The following GALNT13 variants were observed in gnomAD, a reference collection of about 807,000 sequenced individuals.
GALNT13 encodes polypeptide N-acetylgalactosaminyltransferase 13.
Under a neutral mutation model 64.2 loss-of-function variants are expected in GALNT13, and 28 were observed. The observed-to-expected ratio is 0.44, with a 90% CI of 0.32 to 0.60. The LOEUF (loss-of-function observed/expected upper bound fraction) is 0.60, where lower values mean the gene tolerates loss of function less well. Among genes scored for constraint, GALNT13 ranks in the 20% least tolerant of loss-of-function variants. The pLI, the probability that GALNT13 is intolerant of heterozygous loss-of-function variation, is 0.05. For missense variants in GALNT13, 577 were observed against 669.8 expected (o/e 0.86, Z 1.53); for synonymous variants, 214 against 224.6 (o/e 0.95, Z 0.42).
At chr2:154,144,158 G>A (rs1313120697) in intron 4 of GALNT13, among the ~76,000 whole-genome samples, 1 of 151,978 alleles carries the variant, frequency 6.6e-6, no homozygotes, top group Non-Finnish European at 1.5e-5. Flanking sequence ...TTATAAGTAA[G>A]AAAACAGTAA....
intron 9 of GALNT13, among the ~76,000 whole-genome samples, chr2:154,369,793 A>AT (rs1697577714): frequency 6.6e-6 from 1 of 152,200 alleles, no homozygotes; most frequent in African/African-American, 2.4e-5. Context: ...GAAGACCAAG[A>AT]TTAAGGTGTC....
chr2:154,278,407 G>C (rs980330258), intron 8 of GALNT13, among the ~76,000 whole-genome samples: 12 of 152,122 alleles, frequency 7.9e-5, no homozygotes, highest in African/African-American at 2.7e-4. Flanking sequence ...ATTCTATAAA[G>C]TTATGGAAAG....
At chr2:153,969,004 T>A (rs1693563670) in intron 3 of GALNT13, among the ~76,000 whole-genome samples, 1 of 152,112 alleles carries the variant, frequency 6.6e-6, no homozygotes, top group Non-Finnish European at 1.5e-5. Context: ...GTATATATTT[T>A]TATTTAGAGT....
intron 4 of GALNT13, among the ~76,000 whole-genome samples, chr2:154,210,017 A>G (rs1351838399): frequency 2.0e-5 from 3 of 152,136 alleles, no homozygotes; most frequent in Non-Finnish European, 2.9e-5. Context: ...ACCACCTCTC[A>G]GCCTCTGGAA....
intron 10 of GALNT13, among the ~76,000 whole-genome samples, chr2:154,400,875 T>C (rs1345666485): frequency 3.3e-5 from 5 of 151,930 alleles, no homozygotes; most frequent in Non-Finnish European, 5.9e-5. Context: ...TTGAAAGAAA[T>C]GGCATTCTAA....
chr2:153,438,198 G>T, the GALNT13 span, among the ~76,000 whole-genome samples: 1 of 152,166 alleles, frequency 6.6e-6, no homozygotes, highest in Non-Finnish European at 1.5e-5. Context: ...GAGATCAGCT[G>T]TTAGTCTGAT....
chr2:154,092,463 A>G (rs1448123127), intron 3 of GALNT13, among the ~76,000 whole-genome samples: 2 of 152,082 alleles, frequency 1.3e-5, no homozygotes, highest in Non-Finnish European at 2.9e-5. Flanking sequence ...ATTTAAAAGC[A>G]TCTACCCAAT....
chr2:153,966,593 C>T (rs897872111), intron 3 of GALNT13, among the ~76,000 whole-genome samples: 2 of 152,178 alleles, frequency 1.3e-5, no homozygotes, highest in Middle Eastern at 3.4e-3. Context: ...TGGTCTCGAT[C>T]TCATGACCTC....
intron 9 of GALNT13, among the ~76,000 whole-genome samples, chr2:154,376,773 TTTTCCATG>T (rs1186971869): frequency 1.3e-5 from 2 of 152,134 alleles, no homozygotes; most frequent in Non-Finnish European, 2.9e-5. Context: ...TATTCGTGGA[TTTTCCATG>T]TTTCCATAAA....
chr2:154,340,945 ATGTG>A (rs1695730008), intron 9 of GALNT13, among the ~76,000 whole-genome samples: 1 of 151,754 alleles, frequency 6.6e-6, no homozygotes, highest in Non-Finnish European at 1.5e-5. Flanking sequence ...GCACGCCTGT[ATGTG>A]TGTGTAGTAT....
At chr2:153,827,730 T>C in the GALNT13 span, among the ~76,000 whole-genome samples, 2 of 151,946 alleles carry the variant, frequency 1.3e-5, no homozygotes, top group African/African-American at 4.8e-5. Context: ...AACCAGTCAT[T>C]CCTTCCCAGC....
At chr2:154,074,119 T>C (rs986507022) in intron 3 of GALNT13, among the ~76,000 whole-genome samples, 7 of 151,908 alleles carry the variant, frequency 4.6e-5, no homozygotes, top group Non-Finnish European at 7.4e-5. Context: ...TGTTTATAGA[T>C]GTAGCCCAAA....
the GALNT13 span, among the ~76,000 whole-genome samples, chr2:153,200,535 A>G: frequency 6.6e-6 from 1 of 152,226 alleles, no homozygotes; most frequent in African/African-American, 2.4e-5. Context: ...ATGAGAATTA[A>G]GACTATCTGC....
intron 1 of GALNT13, among the ~76,000 whole-genome samples, chr2:153,885,893 C>T (rs1558834852): frequency 6.6e-6 from 1 of 151,984 alleles, no homozygotes; most frequent in Non-Finnish European, 1.5e-5. Context: ...ATTTACTAAC[C>T]TGCCGGTTGT....
At chr2:153,627,814 G>T in the GALNT13 span, among the ~76,000 whole-genome samples, 1 of 152,024 alleles carries the variant, frequency 6.6e-6, no homozygotes, top group African/African-American at 2.4e-5. Context: ...TTTTGGCTTG[G>T]GATTGACTTG....
the GALNT13 span, among the ~76,000 whole-genome samples, chr2:153,104,226 T>C: frequency 6.6e-6 from 1 of 152,228 alleles, no homozygotes; most frequent in African/African-American, 2.4e-5. Context: ...AATTGTTTTT[T>C]ATCTGGCATC....
chr2:154,444,111 G>T (rs911889197), intron 12 of GALNT13, among the ~76,000 whole-genome samples: 3 of 152,040 alleles, frequency 2.0e-5, no homozygotes, highest in Non-Finnish European at 2.9e-5. Flanking sequence ...AAGCTGAGAT[G>T]GGAGGATTGC....
At chr2:154,136,390 G>A (rs1212241318) in intron 3 of GALNT13, among the ~76,000 whole-genome samples, 3 of 151,914 alleles carry the variant, frequency 2.0e-5, no homozygotes, top group Non-Finnish European at 1.5e-5. Flanking sequence ...GTTTTTTGTT[G>A]TTTGTTTTTG....
chr2:153,257,233 C>CA, the GALNT13 span, among the ~76,000 whole-genome samples: 1 of 152,156 alleles, frequency 6.6e-6, no homozygotes, highest in Non-Finnish European at 1.5e-5. Flanking sequence ...CGTCTGTCAC[C>CA]CCTTTGTTTG....
Sources: gnomAD v4.1 joint callset for allele counts (sites outside exome capture counted in the v4.1 genomes callset) on GRCh38, gnomAD v4.1.1 for gene constraint, MANE v1.5 for transcripts, NCBI Gene and HGNC (gene_info 2026-07-23, HGNC 2026-07-21) for gene names.